Variants in CCDC192 observed in about 807,000 individuals in gnomAD.
CCDC192 encodes the protein coiled-coil domain-containing protein 192.
intron 5 of CCDC192, among the ~76,000 whole-genome samples, chr5:127,848,263 A>C (rs1372049743): frequency 6.6e-6 from 1 of 152,128 alleles, no homozygotes; most frequent in Non-Finnish European, 1.5e-5. Flanking sequence ...CAGTCTTTTT[A>C]TTCAGAGGGT....
chr5:127,720,644 T>C (rs896106477), intron 2 of CCDC192, among the ~76,000 whole-genome samples: 1 of 152,248 alleles, frequency 6.6e-6, no homozygotes, highest in Non-Finnish European at 1.5e-5. Context: ...ACTGCCCTAG[T>C]AGAGGTTCTC....
At chr5:127,849,642 A>G (rs1004979491) in intron 5 of CCDC192, among the ~76,000 whole-genome samples, 2 of 152,228 alleles carry the variant, frequency 1.3e-5, no homozygotes, top group African/African-American at 2.4e-5. Context: ...AATGTTGCCA[A>G]ATGAGTAATT....
At chr5:127,723,261 T>C (rs543656765) in intron 2 of CCDC192, among the ~76,000 whole-genome samples, 3 of 152,334 alleles carry the variant, frequency 2.0e-5, no homozygotes, top group African/African-American at 7.2e-5. Context: ...TCAGGTTGTT[T>C]GCTGTTGGCA....
At chr5:127,854,589 G>A (rs1232560361) in intron 5 of CCDC192, among the ~76,000 whole-genome samples, 1 of 152,118 alleles carries the variant, frequency 6.6e-6, no homozygotes, top group Non-Finnish European at 1.5e-5. Flanking sequence ...TGGGGGTTTT[G>A]GAAAGTATCC....
At chr5:127,763,618 A>G (rs1211303338) in intron 3 of CCDC192, among the ~76,000 whole-genome samples, 1 of 152,158 alleles carries the variant, frequency 6.6e-6, no homozygotes, top group Non-Finnish European at 1.5e-5. Flanking sequence ...AACAGATCTT[A>G]CAATGCCATT....
intron 6 of CCDC192, among the ~76,000 whole-genome samples, chr5:127,913,926 G>C (rs111506896): frequency 2.0e-5 from 3 of 152,170 alleles, no homozygotes; most frequent in Non-Finnish European, 2.9e-5. Context: ...GGAATACATA[G>C]CTATGCCTAA....
At chr5:127,739,531 C>T (rs561468203) in intron 2 of CCDC192, 12 of 162,338 alleles carry the variant, frequency 7.4e-5, no homozygotes, top group East Asian at 5.4e-4. Flanking sequence ...CCCCCAGCCT[C>T]GCTGCCGCCT....
intron 2 of CCDC192, among the ~76,000 whole-genome samples, chr5:127,712,615 T>A (rs1056796976): frequency 6.6e-6 from 1 of 152,334 alleles, no homozygotes; most frequent in Middle Eastern, 3.4e-3. Flanking sequence ...CCTCAGATAT[T>A]CTTTTATAGC....
Position 127,765,996 on chromosome 5 carries a change from T to C in CCDC192, c.222+11621T>C, listed in dbSNP as rs544246787. Reference sequence around the variant, plus strand: ...CTGAAATTCTTCCTCCACTGCCTGTTGTCAGCTTCTTAAGCCTATTTTCAC... The same window carrying C: ...CTGAAATTCTTCCTCCACTGCCTGTCGTCAGCTTCTTAAGCCTATTTTCAC... On this transcript the variant is annotated intron_variant, in intron 3 of 6. Coordinates refer to ENST00000514853, the MANE Select transcript of CCDC192 (RefSeq NM_001317938.2). Among the ~76,000 whole-genome samples, 10 of 152,364 alleles carry C rather than the reference T, an allele frequency of 6.6e-5. No homozygotes were observed. In the South Asian group the frequency reaches 2.1e-3, roughly 32 times the overall value.
chr5:127,869,969 G>A (rs1751778000), intron 5 of CCDC192, among the ~76,000 whole-genome samples: 1 of 152,166 alleles, frequency 6.6e-6, no homozygotes, highest in South Asian at 2.1e-4. Flanking sequence ...GTGGTCATGT[G>A]GGGTCAGGCT....
chr5:127,938,619 A>G (rs1443923351), intron 6 of CCDC192, among the ~76,000 whole-genome samples: 6 of 152,270 alleles, frequency 3.9e-5, no homozygotes, highest in African/African-American at 1.4e-4. Context: ...AAATTATTTT[A>G]AAAATACATT....
intron 5 of CCDC192, among the ~76,000 whole-genome samples, chr5:127,815,051 T>G (rs1274959446): frequency 6.6e-6 from 1 of 152,116 alleles, no homozygotes; most frequent in African/African-American, 2.4e-5. Context: ...GACAGAAGGA[T>G]CTCTCTCTTT....
intron 5 of CCDC192, among the ~76,000 whole-genome samples, chr5:127,829,882 A>G (rs974674296): frequency 6.6e-6 from 1 of 152,224 alleles, no homozygotes; most frequent in African/African-American, 2.4e-5. Flanking sequence ...AAATGAGAAT[A>G]ACATACCGGT....
intron 6 of CCDC192, among the ~76,000 whole-genome samples, chr5:127,922,960 C>G (rs1415773726): frequency 6.6e-6 from 1 of 152,168 alleles, no homozygotes; most frequent in Admixed American, 6.5e-5. Flanking sequence ...AGAGAATTCT[C>G]TCTAGAAGAT....
At chr5:127,714,508 C>T (rs1296542929) in intron 2 of CCDC192, among the ~76,000 whole-genome samples, 1 of 152,178 alleles carries the variant, frequency 6.6e-6, no homozygotes, top group Admixed American at 6.5e-5. Context: ...CCTGCCTTAG[C>T]CTCCTGAGTA....
intron 6 of CCDC192, among the ~76,000 whole-genome samples, chr5:127,928,398 G>C (rs1753923931): frequency 6.6e-6 from 1 of 152,138 alleles, no homozygotes; most frequent in Admixed American, 6.5e-5. Flanking sequence ...CCCTGTCTCT[G>C]TGTTCAGAGC....
At chr5:127,760,958 G>A (rs1343529842) in intron 3 of CCDC192, among the ~76,000 whole-genome samples, 1 of 150,286 alleles carries the variant, frequency 6.7e-6, no homozygotes, top group Non-Finnish European at 1.5e-5. Flanking sequence ...TTATGTGTAT[G>A]TTGTCAGAAT....
chr5:127,714,556 C>T (rs1437229253), intron 2 of CCDC192, among the ~76,000 whole-genome samples: 2 of 152,166 alleles, frequency 1.3e-5, no homozygotes, highest in East Asian at 3.9e-4. Context: ...ACCTGCATAA[C>T]TTTTGTACTT....
intron 6 of CCDC192, among the ~76,000 whole-genome samples, chr5:127,917,737 T>C (rs1220175288): frequency 1.3e-5 from 2 of 152,094 alleles, no homozygotes; most frequent in Admixed American, 1.3e-4. Context: ...TCAAAGATCA[T>C]CGATCACAGA....
Sources: allele counts gnomAD v4.1 joint callset (sites outside exome capture counted in the v4.1 genomes callset), GRCh38; gene constraint gnomAD v4.1.1; transcripts MANE v1.5; gene names NCBI Gene and HGNC (gene_info 2026-07-23, HGNC 2026-07-21).